The following JAK1 variants were observed in gnomAD, a reference collection of about 807,000 sequenced individuals.
The protein encoded by JAK1 is tyrosine-protein kinase JAK1.
Under a neutral mutation model 136.6 loss-of-function variants are expected in JAK1, and 16 were observed. That is an observed-to-expected ratio of 0.12 (90% confidence interval 0.08 to 0.18). The LOEUF is 0.18. JAK1 is among the 10% of genes least tolerant of loss of function. JAK1 has a pLI of 1.00. For missense variants in JAK1, 859 were observed against 1,450.1 expected (o/e 0.59, Z 6.62); for synonymous variants, 492 against 519.5 (o/e 0.95, Z 0.72).
intron 13 of JAK1, among the ~76,000 whole-genome samples, chr1:64,847,061 T>C (rs1211258873): frequency 6.6e-6 from 1 of 152,254 alleles, no homozygotes; most frequent in Non-Finnish European, 1.5e-5. Context: ...GAAATACCCA[T>C]ATTTAGCACT....
At chr1:65,032,428 T>C (rs967448314) in intron 2 of JAK1, among the ~76,000 whole-genome samples, 9 of 152,214 alleles carry the variant, frequency 5.9e-5, no homozygotes, top group African/African-American at 2.2e-4. Context: ...TCTGAAGTGG[T>C]TGTTTACAGC....
chr1:65,055,796 T>A (rs1647507553), intron 1 of JAK1, among the ~76,000 whole-genome samples: 1 of 152,102 alleles, frequency 6.6e-6, no homozygotes, highest in Admixed American at 6.5e-5. Flanking sequence ...AGCCTTCTTG[T>A]TTAGAGGAAA....
At chr1:64,997,032 C>A (rs973867549) in intron 2 of JAK1, among the ~76,000 whole-genome samples, 1 of 152,132 alleles carries the variant, frequency 6.6e-6, no homozygotes, top group African/African-American at 2.4e-5. Context: ...GGTCAAGTCA[C>A]CCACTTACAT....
chr1:64,948,283 A>G (rs933729595), intron 1 of JAK1, among the ~76,000 whole-genome samples: 1 of 152,252 alleles, frequency 6.6e-6, no homozygotes, highest in South Asian at 2.1e-4. Flanking sequence ...CAGCTCATAT[A>G]CTGAGCATAG....
chr1:65,045,316 G>T (rs559956041), intron 1 of JAK1, among the ~76,000 whole-genome samples: 2 of 143,222 alleles, frequency 1.4e-5, no homozygotes, highest in South Asian at 2.2e-4. Flanking sequence ...TTTAGTGAAG[G>T]GTTTTTTTTT....
At chr1:64,970,171 G>T (rs75444494), upstream of JAK1, among the ~76,000 whole-genome samples, 463 of 143,232 alleles carry the variant, frequency 3.2e-3, 4 homozygotes, top group African/African-American at 0.011. Flanking sequence ...GGGCACAGTG[G>T]CTCACACCTG....
intron 2 of JAK1, among the ~76,000 whole-genome samples, chr1:65,000,391 T>C (rs1239751364): frequency 6.6e-6 from 1 of 151,758 alleles, no homozygotes; most frequent in African/African-American, 2.4e-5. Context: ...TAATCCCAGA[T>C]ACTTGGGAGG....
intron 1 of JAK1, among the ~76,000 whole-genome samples, chr1:64,952,170 C>A (rs1011011046): frequency 6.6e-6 from 1 of 152,164 alleles, no homozygotes; most frequent in Non-Finnish European, 1.5e-5. Flanking sequence ...GTGATTTTGC[C>A]ATCTCAAAAG....
intron 2 of JAK1, among the ~76,000 whole-genome samples, chr1:65,015,971 C>T (rs903088323): frequency 2.0e-5 from 3 of 151,948 alleles, no homozygotes; most frequent in African/African-American, 4.8e-5. Context: ...GATGTATGAA[C>T]GAAATGTGGT....
intron 2 of JAK1, among the ~76,000 whole-genome samples, chr1:65,001,886 G>C (rs1427467638): frequency 6.6e-6 from 1 of 152,038 alleles, no homozygotes; most frequent in Non-Finnish European, 1.5e-5. Flanking sequence ...GTCTGTCAGA[G>C]AGGGTGTTGA....
intron 8 of JAK1, among the ~76,000 whole-genome samples, chr1:64,863,440 C>A (rs1481764843): frequency 2.0e-5 from 3 of 152,160 alleles, no homozygotes; most frequent in African/African-American, 7.2e-5. Context: ...CCCTCCATTT[C>A]GCATCTTTCC....
At chr1:65,015,770 G>A (rs944680516) in intron 2 of JAK1, among the ~76,000 whole-genome samples, 2 of 152,090 alleles carry the variant, frequency 1.3e-5, no homozygotes, top group African/African-American at 4.8e-5. Context: ...AATCATTATT[G>A]AAAACAATTT....
chr1:64,904,858 A>G (rs1221364656), intron 1 of JAK1, among the ~76,000 whole-genome samples: 1 of 152,222 alleles, frequency 6.6e-6, no homozygotes, highest in Non-Finnish European at 1.5e-5. Context: ...GGGGAGAATG[A>G]GCCATTTTTG....
At chr1:64,966,805 C>T (rs886661267), upstream of JAK1, among the ~76,000 whole-genome samples, 1 of 151,568 alleles carries the variant, frequency 6.6e-6, no homozygotes, top group African/African-American at 2.4e-5. Context: ...GCGAGGTCAT[C>T]TATCGCGGGG....
chr1:64,986,288 G>T (rs1646599112), intron 2 of JAK1, among the ~76,000 whole-genome samples: 1 of 151,986 alleles, frequency 6.6e-6, no homozygotes, highest in Non-Finnish European at 1.5e-5. Flanking sequence ...TGTATTTTTA[G>T]TAGAGATAGG....
intron 2 of JAK1, among the ~76,000 whole-genome samples, chr1:65,018,097 C>T (rs1213970660): frequency 6.6e-6 from 1 of 152,144 alleles, no homozygotes; most frequent in East Asian, 1.9e-4. Flanking sequence ...AGGTGTGAGC[C>T]ACTGCACCTG....
chr1:64,938,526 T>C (rs961745117), intron 1 of JAK1, among the ~76,000 whole-genome samples: 2 of 152,352 alleles, frequency 1.3e-5, no homozygotes, highest in East Asian at 1.9e-4. Flanking sequence ...GATGATCTGA[T>C]TGGCTTGGGC....
intron 1 of JAK1, among the ~76,000 whole-genome samples, chr1:65,067,270 G>A (rs61786884): frequency 0.34 from 50,573 of 150,040 alleles, 11,077 homozygotes; most frequent in African/African-American, 0.61. Context: ...CTCGGCCCCC[G>A]GCGCCGCCTG....
At position 64,905,398 on chromosome 1, in the gene JAK1, A is replaced by G. The variant is rs140604772; in HGVS notation, c.-77-19057T>C. On this transcript the variant is annotated intron_variant, in intron 1 of 24. Coordinates refer to ENST00000342505, the MANE Select transcript of JAK1 (RefSeq NM_002227.4). ...AATGCATACATGTTTTTATAAATGT[A>G]CATAGCTCTACATATGTCAAATATC... is the stretch of plus-strand genomic sequence containing the variant. Among the ~76,000 whole-genome samples, 11 of 152,376 alleles carry G rather than the reference A, an allele frequency of 7.2e-5. 2 individuals carry two copies. The East Asian group carries it at 2.1e-3, about 29-fold the overall frequency.
Sources: allele counts gnomAD v4.1 joint callset (sites outside exome capture counted in the v4.1 genomes callset), GRCh38; gene constraint gnomAD v4.1.1; transcripts MANE v1.5; gene names NCBI Gene and HGNC (gene_info 2026-07-23, HGNC 2026-07-21).